The following ADGRL3 variants were observed in gnomAD, a reference collection of about 807,000 sequenced individuals.
ADGRL3 encodes calcium-independent alpha-latrotoxin receptor 3.
A neutral mutation model predicts 153.5 loss-of-function variants in ADGRL3; 62 were observed. The observed-to-expected ratio is 0.40, with a 90% confidence interval of 0.33 to 0.50. The LOEUF is 0.50. ADGRL3 is among the 20% of genes least tolerant of loss of function. The pLI is 0.47. For missense variants in ADGRL3, 1,641 were observed against 1,859.4 expected, an observed-to-expected ratio of 0.88 and a Z score of 2.16; for synonymous variants, 710 against 672.5, an observed-to-expected ratio of 1.06 and a Z score of -0.86.
chr4:61,679,858 A>G (rs2095295160), intron 6 of ADGRL3, among the ~76,000 whole-genome samples: 1 of 152,072 alleles, frequency 6.6e-6, no homozygotes, highest in Admixed American at 6.6e-5. Context: ...TTAATCTTAT[A>G]TAATAGTTTT....
At chr4:61,733,957 T>C (rs1016097294) in intron 8 of ADGRL3, among the ~76,000 whole-genome samples, 3 of 152,204 alleles carry the variant, frequency 2.0e-5, no homozygotes, top group Non-Finnish European at 2.9e-5. Flanking sequence ...TAACTTGATA[T>C]TATGTTTCAG....
At chr4:61,574,000 A>G (rs939903118) in intron 4 of ADGRL3, among the ~76,000 whole-genome samples, 1 of 152,032 alleles carries the variant, frequency 6.6e-6, no homozygotes, top group Non-Finnish European at 1.5e-5. Flanking sequence ...TGAAAAATAC[A>G]TTCATAGTTT....
At chr4:61,674,262 T>A (rs1006788638) in intron 5 of ADGRL3, among the ~76,000 whole-genome samples, 3 of 151,614 alleles carry the variant, frequency 2.0e-5, no homozygotes, top group African/African-American at 7.2e-5. Context: ...AAATCCCTAT[T>A]GATTCAACAC....
At chr4:61,415,607 T>C (rs2097135973) in intron 2 of ADGRL3, among the ~76,000 whole-genome samples, 2 of 152,210 alleles carry the variant, frequency 1.3e-5, no homozygotes, top group African/African-American at 4.8e-5. Context: ...TAATTTATGT[T>C]AACTGTCATA....
intron 2 of ADGRL3, among the ~76,000 whole-genome samples, chr4:61,462,059 T>C (rs1410261837): frequency 6.6e-6 from 1 of 152,202 alleles, no homozygotes; most frequent in African/African-American, 2.4e-5. Flanking sequence ...CATCTTGTTA[T>C]AAAATTTAAA....
chr4:61,223,608 A>G (rs1373405260), intron 1 of ADGRL3, among the ~76,000 whole-genome samples: 1 of 152,222 alleles, frequency 6.6e-6, no homozygotes, highest in Non-Finnish European at 1.5e-5. Context: ...CCCACACACT[A>G]TGGGGTAACA....
At chr4:61,849,484 A>AT (rs5858733) in intron 9 of ADGRL3, among the ~76,000 whole-genome samples, 28,313 of 149,008 alleles carry the variant, frequency 0.19, 3,284 homozygotes, top group African/African-American at 0.33. Context: ...ATATTTTTAT[A>AT]TTTTTTTTTT....
intron 19 of ADGRL3, among the ~76,000 whole-genome samples, chr4:61,986,973 T>G (rs954538045): frequency 1.1e-4 from 16 of 152,108 alleles, no homozygotes; most frequent in African/African-American, 3.9e-4. Flanking sequence ...CATCAGGGCT[T>G]AATCAAGACA....
intron 2 of ADGRL3, among the ~76,000 whole-genome samples, chr4:61,398,225 G>A (rs964508054): frequency 6.6e-6 from 1 of 151,478 alleles, no homozygotes; most frequent in African/African-American, 2.4e-5. Context: ...TATTTTACTA[G>A]AAAGCAGATT....
chr4:61,423,631 T>C (rs898108707), intron 2 of ADGRL3, among the ~76,000 whole-genome samples: 15 of 152,168 alleles, frequency 9.9e-5, no homozygotes, highest in Non-Finnish European at 2.1e-4. Flanking sequence ...TTAGGGCCAG[T>C]AATGCCATTT....
intron 4 of ADGRL3, among the ~76,000 whole-genome samples, chr4:61,531,010 G>A (rs2098609716): frequency 6.6e-6 from 1 of 152,052 alleles, no homozygotes; most frequent in East Asian, 1.9e-4. Context: ...GTGGCTCATA[G>A]TATTAACTCA....
At position 62,058,623 on chromosome 4, in the gene ADGRL3, G is replaced by A. The variant is rs946144731; in HGVS notation, c.3815-9543G>A. Among the ~76,000 whole-genome samples the A allele has an allele frequency of 5.9e-5, 9 of 152,030 alleles. 1 individual carries two copies. Among genetic ancestry groups the A allele is most frequent in the Admixed American group, 2.6e-4 (4 of 15,244 alleles). On this transcript the variant is annotated intron_variant, in intron 25 of 26. Coordinates refer to ENST00000683033, the MANE Select transcript of ADGRL3 (RefSeq NM_001387552.1). ...ACATATGTAATATTGTAACTATCTC[G>A]TCCTCCCTGAGCCCCCAAAATTCAC...
chr4:61,315,311 G>A (rs1041349483), intron 1 of ADGRL3, among the ~76,000 whole-genome samples: 1 of 152,252 alleles, frequency 6.6e-6, no homozygotes, highest in East Asian at 1.9e-4. Context: ...CCCCATGGAT[G>A]GTAAGTATTT....
intron 1 of ADGRL3, among the ~76,000 whole-genome samples, chr4:61,358,965 A>G (rs1413517872): frequency 7.2e-5 from 11 of 152,184 alleles, no homozygotes; most frequent in Non-Finnish European, 1.5e-4. Flanking sequence ...TAATATGTCC[A>G]AAGCTAAACT....
chr4:61,576,374 T>C (rs1173450393), intron 4 of ADGRL3, among the ~76,000 whole-genome samples: 1 of 151,722 alleles, frequency 6.6e-6, no homozygotes, highest in Admixed American at 6.6e-5. Flanking sequence ...GGCTAGTCTA[T>C]CACATCCTGA....
chr4:61,356,930 A>G (rs2096183950), intron 1 of ADGRL3, among the ~76,000 whole-genome samples: 1 of 151,696 alleles, frequency 6.6e-6, no homozygotes, highest in Non-Finnish European at 1.5e-5. Context: ...CAATGTACTC[A>G]TTGGTGTTTG....
intron 1 of ADGRL3, among the ~76,000 whole-genome samples, chr4:61,370,320 T>G (rs2096494815): frequency 6.6e-6 from 1 of 151,642 alleles, no homozygotes; most frequent in Non-Finnish European, 1.5e-5. Flanking sequence ...AATTGTGATG[T>G]TAGGGTGTCA....
intron 2 of ADGRL3, among the ~76,000 whole-genome samples, chr4:61,424,109 G>A (rs1373254910): frequency 6.6e-6 from 1 of 152,118 alleles, no homozygotes; most frequent in East Asian, 1.9e-4. Flanking sequence ...GCATAGGCAG[G>A]TGGGACATGG....
At chr4:61,452,985 A>G (rs1372371128) in intron 2 of ADGRL3, among the ~76,000 whole-genome samples, 1 of 152,106 alleles carries the variant, frequency 6.6e-6, no homozygotes, top group East Asian at 1.9e-4. Flanking sequence ...TGCATAGATA[A>G]TATTATTAGA....
Sources: allele counts gnomAD v4.1 joint callset (sites outside exome capture counted in the v4.1 genomes callset), GRCh38; gene constraint gnomAD v4.1.1; transcripts MANE v1.5; gene names NCBI Gene and HGNC (gene_info 2026-07-23, HGNC 2026-07-21).